The following ABCA9 variants were observed in gnomAD, a reference collection of about 807,000 sequenced individuals.
ABCA9 encodes ATP binding cassette subfamily A member 9.
Under a neutral mutation model 205.3 loss-of-function variants are expected in ABCA9, and 183 were observed. The ratio of observed to expected loss-of-function variants is 0.89; its 90% CI spans 0.79 to 1.01. ABCA9 has a LOEUF of 1.01. ABCA9 is among the 50% of genes least tolerant of loss of function. The pLI, the probability that ABCA9 is intolerant of heterozygous loss-of-function variation, is 0.00. For missense variants in ABCA9, 1,805 were observed against 1,912.4 expected (o/e 0.94, Z 1.05); for synonymous variants, 651 against 683.3 (o/e 0.95, Z 0.74).
chr17:69,029,143 C>T, intron 11 of ABCA9, 26 bp downstream of exon 11: 1 of 1,414,210 alleles, frequency 7.1e-7, no homozygotes, highest in South Asian at 1.3e-5. Context: ...CAAGCAGCCC[C>T]ATTAAATAAA....
At chr17:68,976,805 T>C (rs1349999328) in intron 37 of ABCA9, among the ~76,000 whole-genome samples, 1 of 152,234 alleles carries the variant, frequency 6.6e-6, no homozygotes, top group Non-Finnish European at 1.5e-5. Flanking sequence ...CAAAGAGTCT[T>C]CTGATAAACA....
chr17:68,977,292 G>A (rs2068917040), intron 37 of ABCA9, among the ~76,000 whole-genome samples: 3 of 152,060 alleles, frequency 2.0e-5, no homozygotes, highest in Admixed American at 1.3e-4. Flanking sequence ...ATGAGGGGGG[G>A]AAAGAAAGTC....
At chr17:69,010,272 C>T (rs1385526817) in intron 23 of ABCA9, among the ~76,000 whole-genome samples, 1 of 151,530 alleles carries the variant, frequency 6.6e-6, no homozygotes, top group Non-Finnish European at 1.5e-5. Flanking sequence ...CTATTTCAGA[C>T]TGGTTAAGCA....
At chr17:69,020,247 TA>T in intron 19 of ABCA9, 140 bp downstream of exon 19, 4 of 794,942 alleles carry the variant, frequency 5.0e-6, no homozygotes, top group Non-Finnish European at 7.7e-6. Flanking sequence ...ATGGTTTCTT[TA>T]ATTAAAAAAT....
chr17:68,981,210 T>C lies in ABCA9; in HGVS notation c.4720+1352A>G, dbSNP rs149297515. Reference sequence around the variant, plus strand: ...CAGACAGGATAAATAAATTCAGATTTATTGACTGTATAACATGATGACTGT... The same window carrying C: ...CAGACAGGATAAATAAATTCAGATTCATTGACTGTATAACATGATGACTGT... On this transcript the variant is annotated intron_variant, in intron 37 of 38. Transcript: ENST00000340001. 6.0e-3 allele frequency among the ~76,000 whole-genome samples: 917 copies of C among 152,250 alleles called. 13 individuals are homozygous for C. The highest frequency in any genetic ancestry group is 0.02 in the African/African-American group (836 of 41,540).
upstream of ABCA9, among the ~76,000 whole-genome samples, chr17:69,062,353 T>C (rs1225049788): frequency 2.6e-5 from 4 of 152,132 alleles, no homozygotes; most frequent in African/African-American, 9.7e-5. Flanking sequence ...TTATGAGTTC[T>C]GGACCTAGTT....
At chr17:69,077,874 T>G in the ABCA9 span, among the ~76,000 whole-genome samples, 4 of 151,910 alleles carry the variant, frequency 2.6e-5, no homozygotes, top group South Asian at 2.1e-4. Context: ...TATGTTAAAC[T>G]GACAGGTATT....
intron 2 of ABCA9, among the ~76,000 whole-genome samples, chr17:69,050,329 CACACACACACACGA>C (rs921394749): frequency 1.3e-4 from 13 of 101,604 alleles, no homozygotes; most frequent in Admixed American, 4.7e-4. Context: ...CATGAACACA[CACACACACACACGA>C]ACACACACAC....
chr17:68,977,212 G>A (rs372383119), intron 37 of ABCA9, among the ~76,000 whole-genome samples: 2 of 151,982 alleles, frequency 1.3e-5, no homozygotes, highest in Non-Finnish European at 2.9e-5. Flanking sequence ...CACAGGAGCC[G>A]CCAGGTGGTC....
chr17:68,993,118 C>T, intron 26 of ABCA9, 34 bp from the exon 27 acceptor site: 1 of 1,552,468 alleles, frequency 6.4e-7, no homozygotes, highest in Non-Finnish European at 8.9e-7. Context: ...TTCAGGTGAA[C>T]CTTCTTTATT....
chr17:69,051,015 A>C lies in ABCA9; in HGVS notation c.96+16T>G. The C allele has an allele frequency of 6.2e-7, 1 of 1,609,538 alleles. No homozygotes were observed. The highest frequency in any genetic ancestry group is 8.5e-7 in the Non-Finnish European group (1 of 1,176,974). ...TCATCCTCTAAATATGAGAACACAT[A>C]GACTCTGAAGCATACCAACAAGGTC... On this transcript the variant is annotated intron_variant, in intron 2 of 38. Coordinates refer to ENST00000340001, the MANE Select transcript of ABCA9 (RefSeq NM_080283.4).
chr17:68,995,963 CT>C lies in ABCA9; in HGVS notation c.3486del (p.Leu1164TyrfsTer7), dbSNP rs1567924469. The C allele has an allele frequency of 1.2e-6, 2 of 1,613,672 alleles. No individual in the cohort carries two copies. The highest frequency in any genetic ancestry group is 4.5e-5 in the East Asian group (2 of 44,862). On this transcript the variant is annotated frameshift_variant, in exon 26 of 39. Coordinates refer to ENST00000340001, the MANE Select transcript of ABCA9 (RefSeq NM_080283.4). LOFTEE classifies it high-confidence loss of function. Reference protein sequence around the residue: ...VATDLNEYGFLGLFFGTMLIP... With the variant: ...VATDLNEYGFXGLFFGTMLIP... ...ATTAACATGGTGCCAAAAAATAGCCCTAGAAATCCATATTCATTTAGATCAG... is the reference window on the plus strand; with the variant it reads ...ATTAACATGGTGCCAAAAAATAGCCCAGAAATCCATATTCATTTAGATCAG...
intron 6 of ABCA9, among the ~76,000 whole-genome samples, chr17:69,038,972 A>C (rs1046211040): frequency 3.9e-5 from 6 of 152,196 alleles, no homozygotes; most frequent in African/African-American, 1.4e-4. Flanking sequence ...AATTGCTACA[A>C]AGAGAATAAA....
At position 69,047,437 on chromosome 17, in the gene ABCA9, G is replaced by C. The variant is rs1047268142; in HGVS notation, c.304+1846C>G. Among the ~76,000 whole-genome samples the C allele has an allele frequency of 1.0e-3, 158 of 151,656 alleles. 1 individual carries two copies. Among genetic ancestry groups the C allele is most frequent in the African/African-American group, 3.7e-3 (152 of 41,360 alleles). On this transcript the variant is annotated intron_variant, in intron 3 of 38. Coordinates refer to ENST00000340001, the MANE Select transcript of ABCA9 (RefSeq NM_080283.4). The stretch of plus-strand genomic sequence containing the variant: ...TGGCTGGGTGAAGCAGGAAATATAA[G>C]AAAAACAAGTAAAGAGAAAACAAGT...
chr17:68,996,044 A>G (rs1403553274), intron 25 of ABCA9, 30 bp from the exon 26 acceptor site: 1 of 1,600,642 alleles, frequency 6.2e-7, no homozygotes, highest in Non-Finnish European at 8.5e-7. Flanking sequence ...TAGCGTCATT[A>G]AAGTGTACCA....
intron 12 of ABCA9, 129 bp downstream of exon 12, chr17:69,028,406 C>T: frequency 2.1e-6 from 1 of 471,956 alleles, no homozygotes; most frequent in South Asian, 4.2e-5. Flanking sequence ...ACCTCATGAT[C>T]CACCTGCCTC....
chr17:68,995,951 CA>C lies in ABCA9; in HGVS notation c.3498del (p.Phe1166LeufsTer5), dbSNP rs1177267466. ...GTGAAGGGAGGTATTAACATGGTGC[CA>C]AAAAATAGCCCTAGAAATCCATATT... is the stretch of plus-strand genomic sequence containing the variant. ...LNEYGFLGLF[F>X]GTMLIPPFTL... On this transcript the variant is annotated frameshift_variant, in exon 26 of 39. Transcript: ENST00000340001. LOFTEE classifies it high-confidence loss of function. The C allele has an allele frequency of 6.2e-7, 1 of 1,613,496 alleles. No homozygotes were observed. Among genetic ancestry groups the C allele is most frequent in the African/African-American group, 1.3e-5 (1 of 74,856 alleles).
Position 69,010,997 on chromosome 17 carries a change from A to C in ABCA9, c.3147+979T>G, listed in dbSNP as rs1218933473. On this transcript the variant is annotated intron_variant, in intron 23 of 38. Coordinates refer to ENST00000340001, the MANE Select transcript of ABCA9 (RefSeq NM_080283.4). ...ATAGGCCACTGTACATATAGAAGTC[A>C]AGAATTCTGGAACTAGCTGAAAAGG... 2.0e-5 allele frequency among the ~76,000 whole-genome samples: 3 copies of C among 152,182 alleles called. No homozygotes were observed. In the East Asian group the frequency reaches 5.8e-4, roughly 29 times the overall value.
At chr17:69,046,277 A>T (rs1176990692) in intron 3 of ABCA9, among the ~76,000 whole-genome samples, 1 of 152,166 alleles carries the variant, frequency 6.6e-6, no homozygotes, top group African/African-American at 2.4e-5. Flanking sequence ...GATCTAACCC[A>T]GGCCATTTAA....
Sources: gnomAD v4.1 joint callset for allele counts (sites outside exome capture counted in the v4.1 genomes callset) on GRCh38, gnomAD v4.1.1 for gene constraint, MANE v1.5 for transcripts, NCBI Gene and HGNC (gene_info 2026-07-23, HGNC 2026-07-21) for gene names.